Variants in SLC15A5 observed in about 807,000 individuals in gnomAD.
SLC15A5 encodes Peptide/histidine transporter ENSP00000340402.
Under a neutral mutation model 56.1 loss-of-function variants are expected in SLC15A5, and 58 were observed. The ratio of observed to expected loss-of-function variants is 1.03; its 90% CI spans 0.84 to 1.29. The LOEUF is 1.29. Among genes scored for constraint, SLC15A5 ranks in the 50% most tolerant of loss-of-function variants. The pLI is 0.00. For missense variants in SLC15A5, 681 were observed against 672.1 expected (o/e 1.01, Z -0.15); for synonymous variants, 264 against 250.5 (o/e 1.05, Z -0.51).
At chr12:16,273,400 G>C (rs1483709445) in intron 1 of SLC15A5, among the ~76,000 whole-genome samples, 1 of 151,988 alleles carries the variant, frequency 6.6e-6, no homozygotes, top group African/African-American at 2.4e-5. Context: ...AGAGGAGTGT[G>C]AGTGGAAGGA....
intron 5 of SLC15A5, among the ~76,000 whole-genome samples, chr12:16,229,511 T>G (rs562508694): frequency 3.5e-4 from 54 of 152,260 alleles, no homozygotes; most frequent in African/African-American, 1.3e-3. Context: ...TTAAATATTT[T>G]TAGTGTGTTC....
intron 5 of SLC15A5, among the ~76,000 whole-genome samples, chr12:16,233,760 A>T (rs956110412): frequency 6.6e-6 from 1 of 152,096 alleles, no homozygotes; most frequent in African/African-American, 2.4e-5. Flanking sequence ...TGTAGGTATC[A>T]CCTGGGGGCT....
At chr12:16,226,560 G>A (rs1447828933) in intron 5 of SLC15A5, among the ~76,000 whole-genome samples, 1 of 151,862 alleles carries the variant, frequency 6.6e-6, no homozygotes, top group Admixed American at 6.6e-5. Context: ...AAGTATTATT[G>A]GTCCTCAGTT....
At chr12:16,236,477 T>G (rs1310000503) in intron 5 of SLC15A5, among the ~76,000 whole-genome samples, 4 of 152,200 alleles carry the variant, frequency 2.6e-5, no homozygotes, top group African/African-American at 9.6e-5. Flanking sequence ...ACATATTTCT[T>G]GACCTCCATA....
At chr12:16,264,898 A>C (rs554134041) in intron 2 of SLC15A5, among the ~76,000 whole-genome samples, 1 of 152,246 alleles carries the variant, frequency 6.6e-6, no homozygotes, top group Admixed American at 6.5e-5. Context: ...TTCTTTTGTA[A>C]ATTTCCTAGT....
intron 7 of SLC15A5, among the ~76,000 whole-genome samples, chr12:16,209,544 A>G (rs111275367): frequency 7.8e-4 from 118 of 152,238 alleles, no homozygotes; most frequent in Non-Finnish European, 1.4e-3. Context: ...TCTCACAGGT[A>G]TGTCAAACAA....
At chr12:16,221,896 G>A (rs2136248438) in intron 6 of SLC15A5, among the ~76,000 whole-genome samples, 1 of 152,170 alleles carries the variant, frequency 6.6e-6, no homozygotes, top group South Asian at 2.1e-4. Context: ...GAAAGAGATG[G>A]ATCTAGGATG....
At chr12:16,229,266 T>A (rs951155108) in intron 5 of SLC15A5, among the ~76,000 whole-genome samples, 1 of 152,360 alleles carries the variant, frequency 6.6e-6, no homozygotes, top group South Asian at 2.1e-4. Flanking sequence ...GCTTGTTACT[T>A]CAGTCTAATT....
At chr12:16,259,897 C>G (rs949690585) in intron 2 of SLC15A5, among the ~76,000 whole-genome samples, 9 of 141,142 alleles carry the variant, frequency 6.4e-5, no homozygotes, top group South Asian at 2.2e-4. Flanking sequence ...TGACACCACC[C>G]GGGCGGGGGG....
At chr12:16,248,425 G>A (rs1864484774) in intron 3 of SLC15A5, among the ~76,000 whole-genome samples, 1 of 152,038 alleles carries the variant, frequency 6.6e-6, no homozygotes, top group African/African-American at 2.4e-5. Context: ...GGTTGGTTAA[G>A]GAGACTGAGA....
At position 16,203,061 on chromosome 12, in the gene SLC15A5, A is replaced by T. The variant is rs117642066; in HGVS notation, c.1484-8608T>A. Among the ~76,000 whole-genome samples the T allele has an allele frequency of 3.8e-3, 573 of 152,240 alleles. 1 individual carries two copies. The highest frequency in any genetic ancestry group is 7.0e-3 in the Non-Finnish European group (479 of 68,006). ...TAGTTCTGGTGATCTATTATACAGC[A>T]TGGTGACTCTAGTCAATAATAATGT... On this transcript the variant is annotated intron_variant, in intron 7 of 8. Transcript: ENST00000344941.
chr12:16,234,298 A>G (rs1864326637), intron 5 of SLC15A5, among the ~76,000 whole-genome samples: 1 of 152,226 alleles, frequency 6.6e-6, no homozygotes, highest in African/African-American at 2.4e-5. Flanking sequence ...GATAAATTTC[A>G]ACATGAATTT....
intron 7 of SLC15A5, among the ~76,000 whole-genome samples, chr12:16,209,969 G>A (rs566423086): frequency 2.6e-5 from 4 of 152,204 alleles, no homozygotes; most frequent in Non-Finnish European, 2.9e-5. Context: ...TAGCATTCAA[G>A]TAAAAGTAAA....
In SLC15A5 at chr12:16,250,867, T is replaced by C. The variant is rs1864512368; in HGVS notation, c.755-6067A>G. On this transcript the variant is annotated intron_variant, in intron 3 of 8. Coordinates refer to ENST00000344941, the MANE Select transcript of SLC15A5 (RefSeq NM_001170798.1). ...AAAATGTAGAAGCAATAAGGGAGAA[T>C]ATTGAAGAATTTTATTACAAACATA... 2.0e-5 allele frequency among the ~76,000 whole-genome samples: 3 copies of C among 151,846 alleles called. No homozygotes were observed. The South Asian group carries it at 6.2e-4, about 31-fold the overall frequency.
At chr12:16,193,661 C>A (rs1863860443) in intron 8 of SLC15A5, among the ~76,000 whole-genome samples, 1 of 151,584 alleles carries the variant, frequency 6.6e-6, no homozygotes, top group Non-Finnish European at 1.5e-5. Context: ...AGCACTTTAT[C>A]AATATTCGTC....
At chr12:16,198,899 T>A (rs752231678) in intron 7 of SLC15A5, among the ~76,000 whole-genome samples, 35 of 152,134 alleles carry the variant, frequency 2.3e-4, no homozygotes, top group Admixed American at 6.6e-4. Flanking sequence ...AAATTTCATT[T>A]GCTGCCTTGA....
At chr12:16,197,903 A>T (rs549618508) in intron 7 of SLC15A5, among the ~76,000 whole-genome samples, 2 of 152,170 alleles carry the variant, frequency 1.3e-5, no homozygotes, top group African/African-American at 2.4e-5. Context: ...TTTTCATCTG[A>T]CATTTCCAGT....
chr12:16,245,001 A>T (rs1016146320), intron 3 of SLC15A5, among the ~76,000 whole-genome samples: 1 of 152,212 alleles, frequency 6.6e-6, no homozygotes, highest in African/African-American at 2.4e-5. Flanking sequence ...GGCACCTAGC[A>T]GTTGATGTCA....
At chr12:16,252,023 A>G (rs1042827733) in intron 3 of SLC15A5, among the ~76,000 whole-genome samples, 1 of 151,912 alleles carries the variant, frequency 6.6e-6, no homozygotes, top group Non-Finnish European at 1.5e-5. Context: ...TATTACATCA[A>G]TGTATTACAT....
Sources: gnomAD v4.1 joint callset for allele counts (sites outside exome capture counted in the v4.1 genomes callset) on GRCh38, gnomAD v4.1.1 for gene constraint, MANE v1.5 for transcripts, NCBI Gene and HGNC (gene_info 2026-07-23, HGNC 2026-07-21) for gene names.